EHMT1: variants seen among roughly 807,000 people sequenced by gnomAD.
The protein encoded by EHMT1 is euchromatic histone lysine methyltransferase 1.
In EHMT1, 15 loss-of-function variants were observed where a neutral mutation model predicts 147.2. The observed-to-expected ratio is 0.10, with a 90% CI of 0.07 to 0.16. The LOEUF (loss-of-function observed/expected upper bound fraction) is 0.16, where lower values mean the gene tolerates loss of function less well. Ranked by LOEUF, EHMT1 falls within the 10% of genes least tolerant of loss-of-function variation. EHMT1 has a pLI of 1.00. For missense variants in EHMT1, 1,587 were observed against 1,772.4 expected, an observed-to-expected ratio of 0.90 and a Z score of 1.88; for synonymous variants, 795 against 709.6, an observed-to-expected ratio of 1.12 and a Z score of -1.91.
At chr9:137,657,894 C>T (rs994682586) in intron 1 of EHMT1, among the ~76,000 whole-genome samples, 7 of 151,696 alleles carry the variant, frequency 4.6e-5, no homozygotes, top group South Asian at 2.1e-4. Flanking sequence ...AGCCCCTAGA[C>T]GTCCTTCTAC....
At chr9:137,692,588 C>T (rs1248507437) in intron 1 of EHMT1, among the ~76,000 whole-genome samples, 1 of 151,940 alleles carries the variant, frequency 6.6e-6, no homozygotes, top group Non-Finnish European at 1.5e-5. Flanking sequence ...TTTCCATCAA[C>T]TTTTTCTTTT....
At chr9:137,760,324 T>A (rs1254602212) in intron 9 of EHMT1, among the ~76,000 whole-genome samples, 1 of 152,218 alleles carries the variant, frequency 6.6e-6, no homozygotes, top group Non-Finnish European at 1.5e-5. Context: ...GCCTCTTGGC[T>A]GCTGTTGGCC....
intron 10 of EHMT1, among the ~76,000 whole-genome samples, chr9:137,773,429 G>A (rs1394613634): frequency 6.6e-6 from 1 of 151,526 alleles, no homozygotes. Context: ...AAAGTTGCCT[G>A]GGTGATTCTA....
rs1238022581 is a variant in EHMT1, at chr9:137,631,853, G to A, written c.21+12804G>A. On this transcript the variant is annotated intron_variant, in intron 1 of 26. Transcript: ENST00000460843. The stretch of plus-strand genomic sequence containing the variant: ...TGTTGGTGCCACTGCACTTCAGTCT[G>A]GGCAGCAGAGTGAGACCCTGTCTCA... Among the ~76,000 whole-genome samples, 4 of 152,140 alleles carry A rather than the reference G, an allele frequency of 2.6e-5. No individual in the cohort carries two copies. In the East Asian group the frequency reaches 7.7e-4, roughly 29 times the overall value.
intron 15 of EHMT1, chr9:137,788,575 T>TA (rs1486118724): frequency 2.0e-5 from 3 of 153,184 alleles, no homozygotes; most frequent in African/African-American, 7.3e-5. Context: ...CTTGCGGGCT[T>TA]AGAGGGCCTC....
intron 25 of EHMT1, among the ~76,000 whole-genome samples, chr9:137,823,880 C>G (rs1253933252): frequency 2.0e-5 from 3 of 152,186 alleles, no homozygotes; most frequent in African/African-American, 7.2e-5. Context: ...TTTTAATTGG[C>G]TGCTTGTCTT....
Position 137,655,240 on chromosome 9 carries a change from C to T in EHMT1, c.21+36191C>T, listed in dbSNP as rs534701259. ...ATTTTTCGGCCAGGCTGGTCTCGAA[C>T]TCCTGACCTCAGGTGGTCTGCCCGC... On this transcript the variant is annotated intron_variant, in intron 1 of 26. Transcript: ENST00000460843. Among the ~76,000 whole-genome samples, 21 of 152,266 alleles carry T rather than the reference C, an allele frequency of 1.4e-4. No individual in the cohort carries two copies. In the East Asian group the frequency reaches 3.7e-3, roughly 27 times the overall value.
chr9:137,697,294 C>G (rs563147309), intron 1 of EHMT1: 1 of 213,686 alleles, frequency 4.7e-6, no homozygotes, highest in African/African-American at 2.4e-5. Context: ...AAACAAACAA[C>G]CAGTGCAGAG....
chr9:137,663,472 T>C (rs1564553778), intron 1 of EHMT1, among the ~76,000 whole-genome samples: 1 of 152,216 alleles, frequency 6.6e-6, no homozygotes, highest in East Asian at 1.9e-4. Context: ...CTCAGCACAC[T>C]TGAGGTCCAC....
chr9:137,748,489 A>G (rs1948726009), intron 6 of EHMT1, among the ~76,000 whole-genome samples: 1 of 152,080 alleles, frequency 6.6e-6, no homozygotes, highest in Admixed American at 6.5e-5. Flanking sequence ...GTGTTGCCCC[A>G]GGTACCCACT....
At chr9:137,769,702 G>C (rs1950470455) in intron 10 of EHMT1, among the ~76,000 whole-genome samples, 1 of 152,114 alleles carries the variant, frequency 6.6e-6, no homozygotes, top group African/African-American at 2.4e-5. Flanking sequence ...AGTGTGGTGG[G>C]TTTTGTTGTT....
intron 10 of EHMT1, among the ~76,000 whole-genome samples, chr9:137,766,325 A>G (rs1950215539): frequency 6.6e-6 from 1 of 152,350 alleles, no homozygotes; most frequent in African/African-American, 2.4e-5. Flanking sequence ...ATAGAGAGAC[A>G]TATCTCAGGC....
rs1423370068 is a variant in EHMT1 at position 137,784,684 on chromosome 9, G to C, written c.2382+2287G>C. On this transcript the variant is annotated intron_variant, in intron 15 of 26. Transcript: ENST00000460843. ...TGATGGGGGAGCCAAGCCCTGGCAGGGGGGTGAGGGAGGGAGCAGCTGAGT... is the reference window on the plus strand; with the variant it reads ...TGATGGGGGAGCCAAGCCCTGGCAGCGGGGTGAGGGAGGGAGCAGCTGAGT... The C allele has an allele frequency of 4.5e-5, 7 of 154,940 alleles. No individual in the cohort carries two copies. The Admixed American group carries it at 4.6e-4, about 10-fold the overall frequency. The allele number at this position is 154,940 out of a possible 1,614,324, so 9.6% of individuals were successfully genotyped here. A position where few individuals can be genotyped will look rare whatever the true frequency, so the allele number is the denominator to read the frequency against.
intron 1 of EHMT1, among the ~76,000 whole-genome samples, chr9:137,694,791 G>A (rs1281862015): frequency 1.3e-5 from 2 of 152,188 alleles, no homozygotes; most frequent in Non-Finnish European, 2.9e-5. Flanking sequence ...CCCTTGACCC[G>A]GCGAATCTCC....
chr9:137,816,451 TCCC>T, intron 23 of EHMT1: 1 of 341,754 alleles, frequency 2.9e-6, no homozygotes, highest in South Asian at 2.3e-5. Context: ...TCTCTGGGCT[TCCC>T]TAACAGTGAG....
At chr9:137,652,980 G>T (rs1306123082) in intron 1 of EHMT1, among the ~76,000 whole-genome samples, 1 of 152,114 alleles carries the variant, frequency 6.6e-6, no homozygotes, top group Non-Finnish European at 1.5e-5. Flanking sequence ...CATTCGCCTT[G>T]GCCTCCCAAA....
intron 2 of EHMT1, chr9:137,715,506 G>C: frequency 1.0e-6 from 1 of 979,782 alleles, no homozygotes; most frequent in Non-Finnish European, 1.2e-6. Context: ...TTGTGCTCGA[G>C]GTGATAAGCA....
intron 25 of EHMT1, among the ~76,000 whole-genome samples, chr9:137,821,112 G>A (rs965668416): frequency 6.6e-6 from 1 of 152,150 alleles, no homozygotes; most frequent in Admixed American, 6.6e-5. Context: ...TCCTGACATC[G>A]TAATCTGCCT....
At chr9:137,809,400 G>T (rs963472280) in intron 18 of EHMT1, among the ~76,000 whole-genome samples, 1 of 152,242 alleles carries the variant, frequency 6.6e-6, no homozygotes. Flanking sequence ...CAGTCCCTGG[G>T]ATGTGGCGGC....
Sources: allele counts gnomAD v4.1 joint callset (sites outside exome capture counted in the v4.1 genomes callset), GRCh38; gene constraint gnomAD v4.1.1; transcripts MANE v1.5; gene names NCBI Gene and HGNC (gene_info 2026-07-23, HGNC 2026-07-21).